The following UTRN variants were observed in gnomAD, a reference collection of about 807,000 sequenced individuals.
UTRN encodes the protein dystrophin-related protein 1.
In UTRN, 283 loss-of-function variants were observed where a neutral mutation model predicts 463.9. That is an observed-to-expected ratio of 0.61 (90% CI 0.55 to 0.67). The LOEUF is 0.67. Ranked by LOEUF, UTRN falls within the 30% of genes least tolerant of loss-of-function variation. The pLI is 0.00. For synonymous variants in UTRN, 1,442 were observed against 1,431.5 expected (o/e 1.01, Z -0.17); for missense variants, 3,922 against 4,084.3 (o/e 0.96, Z 1.08).
intron 12 of UTRN, 122 bp downstream of exon 12, chr6:144,439,017 C>G: frequency 9.6e-7 from 1 of 1,040,880 alleles, no homozygotes; most frequent in South Asian, 1.6e-5. Flanking sequence ...GGGTTGTCTT[C>G]ATTTAGCAGC....
chr6:144,690,467 C>T (rs1291790859), intron 52 of UTRN, among the ~76,000 whole-genome samples: 1 of 152,106 alleles, frequency 6.6e-6, no homozygotes, highest in Non-Finnish European at 1.5e-5. Flanking sequence ...GATCATAAGC[C>T]TTCCCAGTGG....
At chr6:144,394,039 A>G (rs1449467998) in intron 2 of UTRN, among the ~76,000 whole-genome samples, 1 of 152,156 alleles carries the variant, frequency 6.6e-6, no homozygotes, top group African/African-American at 2.4e-5. Context: ...AAGGTGTTGT[A>G]TGGGCTCTGA....
rs1797648697 is a variant in UTRN, at chr6:144,537,620, A to G, written c.6272A>G (p.His2091Arg). 2 of 1,610,370 alleles carry G rather than the reference A, an allele frequency of 1.2e-6. No homozygotes were observed. Among genetic ancestry groups the G allele is most frequent in the South Asian group, 1.1e-5 (1 of 90,432 alleles). ...AGTAAGCAGGTGATGAAGTACAGGCATCAGCTAGATGAGATTATCTGTTGG... is the reference window on the plus strand; with the variant it reads ...AGTAAGCAGGTGATGAAGTACAGGCGTCAGCTAGATGAGATTATCTGTTGG... The part of the protein sequence containing the change: ...GESKQVMKYR[H>R]QLDEIICWLT... The change falls in exon 44 of 75, where the codon CAT (histidine) becomes CGT (arginine). Residue 2091 changes from histidine to arginine, a missense_variant. Coordinates refer to ENST00000367545, the MANE Select transcript of UTRN (RefSeq NM_007124.3).
intron 51 of UTRN, among the ~76,000 whole-genome samples, chr6:144,618,243 A>G (rs1275208192): frequency 6.6e-6 from 1 of 152,126 alleles, no homozygotes; most frequent in African/African-American, 2.4e-5. Context: ...TATCCACTGG[A>G]GGTTTTACCT....
At chr6:144,847,839 A>G (rs879788008) in intron 74 of UTRN, among the ~76,000 whole-genome samples, 1 of 152,206 alleles carries the variant, frequency 6.6e-6, no homozygotes, top group African/African-American at 2.4e-5. Flanking sequence ...TCCCTTTAGC[A>G]TAGTGAGTTA....
chr6:144,394,377 A>G (rs1253064185), intron 2 of UTRN, among the ~76,000 whole-genome samples: 2 of 152,160 alleles, frequency 1.3e-5, no homozygotes, highest in Non-Finnish European at 2.9e-5. Context: ...AACCCCTTAT[A>G]AAACCATCAG....
intron 38 of UTRN, 46 bp from the exon 39 acceptor site, chr6:144,516,765 T>A: frequency 7.2e-7 from 1 of 1,379,880 alleles, no homozygotes; most frequent in Non-Finnish European, 9.4e-7. Context: ...AGTGACCTTA[T>A]GCATTTTTCT....
intron 61 of UTRN, among the ~76,000 whole-genome samples, chr6:144,788,212 G>C (rs1586576086): frequency 1.3e-5 from 2 of 152,042 alleles, no homozygotes. Flanking sequence ...ATTATAATTT[G>C]ATATTTCCCC....
intron 24 of UTRN, 82 bp from the exon 25 acceptor site, chr6:144,474,522 G>T (rs1790989036): frequency 2.2e-6 from 3 of 1,369,494 alleles, no homozygotes; most frequent in Non-Finnish European, 2.0e-6. Context: ...TGTAATATTT[G>T]CAGGGAGATA....
At chr6:144,514,521 A>C in intron 36 of UTRN, 129 bp from the exon 37 acceptor site, 1 of 953,954 alleles carries the variant, frequency 1.0e-6, no homozygotes, top group Admixed American at 2.5e-5. Flanking sequence ...CACCTGGTTG[A>C]TTATGCTGAA....
At chr6:144,310,450 C>T (rs1010793248) in intron 2 of UTRN, among the ~76,000 whole-genome samples, 2 of 151,428 alleles carry the variant, frequency 1.3e-5, no homozygotes, top group East Asian at 1.9e-4. Flanking sequence ...GCAGGAGAAT[C>T]GCTTGAACCT....
intron 51 of UTRN, among the ~76,000 whole-genome samples, chr6:144,648,849 C>T (rs1291253629): frequency 6.6e-6 from 1 of 152,122 alleles, no homozygotes; most frequent in Non-Finnish European, 1.5e-5. Context: ...TTGTTTTGCT[C>T]ATATCAAATA....
At chr6:144,666,327 A>AT (rs1368239722) in intron 51 of UTRN, among the ~76,000 whole-genome samples, 1 of 152,054 alleles carries the variant, frequency 6.6e-6, no homozygotes, top group Non-Finnish European at 1.5e-5. Context: ...CTTCTAAATT[A>AT]TTTTAAGTTC....
At chr6:144,495,926 G>A (rs1344309215) in intron 33 of UTRN, among the ~76,000 whole-genome samples, 1 of 152,074 alleles carries the variant, frequency 6.6e-6, no homozygotes, top group African/African-American at 2.4e-5. Context: ...TCAAGTTGTT[G>A]GTCCTTAGAT....
intron 69 of UTRN, among the ~76,000 whole-genome samples, chr6:144,834,942 G>A (rs970632947): frequency 1.3e-5 from 2 of 152,198 alleles, no homozygotes; most frequent in Non-Finnish European, 2.9e-5. Context: ...CGGACCACGT[G>A]CCATCTGCTA....
intron 51 of UTRN, among the ~76,000 whole-genome samples, chr6:144,586,290 G>A (rs1005845730): frequency 7.2e-5 from 11 of 151,966 alleles, no homozygotes. Flanking sequence ...ACATTCACGT[G>A]TATTTTTTGC....
intron 23 of UTRN, among the ~76,000 whole-genome samples, chr6:144,470,474 C>A (rs1303616969): frequency 6.6e-6 from 1 of 151,736 alleles, no homozygotes; most frequent in South Asian, 2.1e-4. Flanking sequence ...GATAGGGCGG[C>A]GGGGCAGAGA....
chr6:144,584,441 C>T (rs917166314), intron 51 of UTRN, among the ~76,000 whole-genome samples: 1 of 151,946 alleles, frequency 6.6e-6, no homozygotes, highest in African/African-American at 2.4e-5. Context: ...TTTTTAGTAC[C>T]GTTCTCAAGA....
chr6:144,827,517 G>A, intron 67 of UTRN, 94 bp from the exon 68 acceptor site: 1 of 1,593,868 alleles, frequency 6.3e-7, no homozygotes, highest in Non-Finnish European at 8.6e-7. Context: ...CTGTTTGCAT[G>A]GCAGATTCAT....
Sources: allele counts gnomAD v4.1 joint callset (sites outside exome capture counted in the v4.1 genomes callset), GRCh38; gene constraint gnomAD v4.1.1; transcripts MANE v1.5; gene names NCBI Gene and HGNC (gene_info 2026-07-23, HGNC 2026-07-21).